Variants in E2F3 observed in about 807,000 individuals in gnomAD.
E2F3 encodes the protein transcription factor E2F3.
Under a neutral mutation model 44.4 loss-of-function variants are expected in E2F3, and 11 were observed. The ratio of observed to expected loss-of-function variants is 0.25; its 90% CI spans 0.16 to 0.41. The LOEUF is 0.41. Among genes scored for constraint, E2F3 ranks in the 10% least tolerant of loss-of-function variants. E2F3 has a pLI of 1.00. For synonymous variants in E2F3, 249 were observed against 253.0 expected, an observed-to-expected ratio of 0.98 and a Z score of 0.15; for missense variants, 487 against 583.6, an observed-to-expected ratio of 0.83 and a Z score of 1.70.
chr6:20,467,804 C>T (rs1424027098), intron 1 of E2F3, among the ~76,000 whole-genome samples: 1 of 151,952 alleles, frequency 6.6e-6, no homozygotes, highest in African/African-American at 2.4e-5. Flanking sequence ...AACCACCTTC[C>T]AGGGAGTTAG....
chr6:20,478,656 A>G lies in E2F3; in HGVS notation c.394-1190A>G, dbSNP rs556415850. On this transcript the variant is annotated intron_variant, in intron 1 of 6. Coordinates refer to ENST00000346618, the MANE Select transcript of E2F3 (RefSeq NM_001949.5). ...AAACCCCGTCTCTACTAAAAATACA[A>G]AAATTAGCTGGGAGTGGTGGCGTGC... Among the ~76,000 whole-genome samples the G allele has an allele frequency of 5.3e-5, 8 of 152,226 alleles. No individual in the cohort carries two copies. The East Asian group carries it at 1.5e-3, about 29-fold the overall frequency.
At chr6:20,405,090 A>G (rs1481373589) in intron 1 of E2F3, among the ~76,000 whole-genome samples, 2 of 152,176 alleles carry the variant, frequency 1.3e-5, no homozygotes, top group African/African-American at 4.8e-5. Flanking sequence ...ACTATCTTTC[A>G]AGCCAGGTTT....
intron 1 of E2F3, among the ~76,000 whole-genome samples, chr6:20,428,119 G>T (rs1760275621): frequency 6.6e-6 from 1 of 152,230 alleles, no homozygotes; most frequent in South Asian, 2.1e-4. Flanking sequence ...CCCAAGGTGA[G>T]GGAGGTGGTT....
rs545827310 is a variant in E2F3, at chr6:20,492,678, G to A, written c.*2248G>A. 1 of 231,888 alleles carries A rather than the reference G, an allele frequency of 4.3e-6. No homozygotes were observed. The highest frequency in any genetic ancestry group is 1.8e-4 in the South Asian group (1 of 5,506). The allele number at this position is 231,888 out of a possible 1,614,324, so 14.4% of individuals were successfully genotyped here. A position where few individuals can be genotyped will look rare whatever the true frequency, so the allele number is the denominator to read the frequency against. ...TTGTTGAATTTTTTCATAATGTAAT[G>A]CCGTATTTATTGTTTTTAAAATGAA... On this transcript the variant is annotated 3_prime_UTR_variant, in exon 7 of 7. Coordinates refer to ENST00000346618, the MANE Select transcript of E2F3 (RefSeq NM_001949.5).
intron 1 of E2F3, chr6:20,444,977 G>A: frequency 1.5e-6 from 1 of 669,706 alleles, no homozygotes; most frequent in South Asian, 6.7e-5. Context: ...CACTGTCCCT[G>A]TCATATAATA....
chr6:20,418,481 G>T (rs1191663666), intron 1 of E2F3, among the ~76,000 whole-genome samples: 1 of 152,168 alleles, frequency 6.6e-6, no homozygotes. Context: ...GCCCTAAACT[G>T]TGCAGGATTA....
chr6:20,462,909 C>T (rs1478945139), intron 1 of E2F3, among the ~76,000 whole-genome samples: 1 of 94,866 alleles, frequency 1.1e-5, no homozygotes, highest in Non-Finnish European at 1.9e-5. Flanking sequence ...GACAGGGTCT[C>T]ACTGTATCAC....
chr6:20,440,190 T>G (rs1004844686), intron 1 of E2F3: 2 of 152,236 alleles, frequency 1.3e-5, no homozygotes, highest in Admixed American at 6.5e-5. Flanking sequence ...TTAAGGGAGT[T>G]GTTTTTCTTA....
intron 1 of E2F3, among the ~76,000 whole-genome samples, chr6:20,476,346 G>C (rs1290200287): frequency 1.3e-5 from 2 of 152,108 alleles, no homozygotes; most frequent in African/African-American, 4.8e-5. Flanking sequence ...ACTCCAGCCT[G>C]GGTGACAGAG....
intron 1 of E2F3, among the ~76,000 whole-genome samples, chr6:20,462,954 C>G (rs990791005): frequency 7.2e-6 from 1 of 139,680 alleles, no homozygotes. Context: ...CTCAAGCAAT[C>G]CTTCCACCTC....
chr6:20,477,339 AT>A (rs1762081968), intron 1 of E2F3, among the ~76,000 whole-genome samples: 1 of 152,180 alleles, frequency 6.6e-6, no homozygotes, highest in Non-Finnish European at 1.5e-5. Context: ...TATGTATTAT[AT>A]ACTGTATTCT....
chr6:20,429,274 C>T (rs1453646408), intron 1 of E2F3, among the ~76,000 whole-genome samples: 3 of 152,294 alleles, frequency 2.0e-5, no homozygotes, highest in East Asian at 3.9e-4. Context: ...CCCTTATCCA[C>T]GGTGTTGCTT....
chr6:20,402,191 T>TTGAAA lies in E2F3; in HGVS notation c.-42_-41insTGAAA. 1 of 1,530,314 alleles carries TTGAAA rather than the reference T, an allele frequency of 6.5e-7. No individual in the cohort carries two copies. The highest frequency in any genetic ancestry group is 8.7e-7 in the Non-Finnish European group (1 of 1,147,886). 94.8% of individuals were successfully genotyped at this position (1,530,314 alleles called of 1,614,324 possible). On this transcript the variant is annotated 5_prime_UTR_variant, in exon 1 of 7. Transcript: ENST00000346618. The surrounding 1 kb of genome is among the most constrained non-coding windows in gnomAD (Gnocchi z 5.6). ...CAAATAATAAAGAAATTGAAAACAATACATTAATATACCATAACACTAAAA... is the reference window on the plus strand; with the variant it reads ...CAAATAATAAAGAAATTGAAAACAATTGAAAACATTAATATACCATAACACTAAAA...
chr6:20,482,342 G>GTTTTTTTTTTTTTTTTT (rs71734781), intron 3 of E2F3, among the ~76,000 whole-genome samples: 1 of 130,152 alleles, frequency 7.7e-6, no homozygotes, highest in Non-Finnish European at 1.6e-5. Context: ...TTGTTTTTTT[G>GTTTTTTTTTTTTTTTTT]TTTTTTTTTT....
intron 1 of E2F3, among the ~76,000 whole-genome samples, chr6:20,424,588 C>T (rs75301288): frequency 0.2 from 27,159 of 135,020 alleles, 3,019 homozygotes; most frequent in South Asian, 0.34. Context: ...CTTCCTGTTA[C>T]ATACTTTTTT....
chr6:20,429,510 C>T (rs1009718664), intron 1 of E2F3, among the ~76,000 whole-genome samples: 16 of 152,134 alleles, frequency 1.1e-4, no homozygotes, highest in African/African-American at 3.4e-4. Context: ...TTGGTACTAT[C>T]TGAGGTTTCA....
rs764969721 is a variant in E2F3 at position 20,402,500 on chromosome 6, G to A, written c.268G>A (p.Gly90Ser). ...CGGCCCCCTCCTCCCCAGTGCCCCC[G>A]GCGCGGAGCAGACCGCCGGCAGCCT... ...AAGPLLPSAP[G>S]AEQTAGSLLY... Residue 90 changes from glycine (G) to serine (S), a missense_variant, in exon 1 of 7, where the codon GGC becomes AGC. By Grantham distance (56) the Gly-to-Ser change is moderately conservative. Around this residue, in one of 3 missense-constraint regions of E2F3, gnomAD observed 238 missense variants for 236.0 expected, o/e 1.01. Transcript: ENST00000346618. This position sits in a 1 kb window ranked among gnomAD's most constrained non-coding sequence, Gnocchi z 5.6. 1.9e-6 allele frequency: 3 copies of A among 1,605,348 alleles called. No homozygotes were observed. Among genetic ancestry groups the A allele is most frequent in the Admixed American group, 1.7e-5 (1 of 59,892 alleles).
At position 20,493,025 on chromosome 6, in the gene E2F3, C is replaced by T. The variant is rs745847670; in HGVS notation, c.*2595C>T. 4.6e-6 allele frequency: 1 copy of T among 215,768 alleles called. No individual in the cohort carries two copies. The highest frequency in any genetic ancestry group is 9.4e-6 in the Non-Finnish European group (1 of 106,940). 13.4% of individuals were successfully genotyped at this position (215,768 alleles called of 1,614,324 possible). On this transcript the variant is annotated 3_prime_UTR_variant, in exon 7 of 7. Transcript: ENST00000346618. ...AAATGTATAAAGGGCAACACATGAG[C>T]TGTCAAACAGTGTTAGGAGTGTGTT...
intron 1 of E2F3, among the ~76,000 whole-genome samples, chr6:20,474,655 C>T (rs1761991466): frequency 6.6e-6 from 1 of 152,182 alleles, no homozygotes; most frequent in Non-Finnish European, 1.5e-5. Flanking sequence ...GTGGTGTAGA[C>T]AGAGCTCACC....
Sources: gnomAD v4.1 joint callset for allele counts (sites outside exome capture counted in the v4.1 genomes callset) on GRCh38, gnomAD v4.1.1 for gene constraint, gnomAD v4.1.1 regional missense constraint, Gnocchi (gnomAD v3.1) non-coding constraint, MANE v1.5 for transcripts, NCBI Gene and HGNC (gene_info 2026-07-23, HGNC 2026-07-21) for gene names.